CHST11: variants seen among roughly 807,000 people sequenced by gnomAD.
The protein encoded by CHST11 is C4S-1.
In CHST11, 9 loss-of-function variants were observed where a neutral mutation model predicts 30.4. The observed-to-expected ratio is 0.30, with a 90% CI of 0.18 to 0.52. The LOEUF (loss-of-function observed/expected upper bound fraction) is 0.52, where lower values mean the gene tolerates loss of function less well. CHST11 is among the 20% of genes least tolerant of loss of function. The pLI, the probability that CHST11 is intolerant of heterozygous loss-of-function variation, is 0.97. For synonymous variants in CHST11, 152 were observed against 187.8 expected (o/e 0.81, Z 1.56); for missense variants, 348 against 460.6 (o/e 0.76, Z 2.24).
At chr12:104,590,589 T>C (rs1310802652) in intron 1 of CHST11, among the ~76,000 whole-genome samples, 1 of 152,178 alleles carries the variant, frequency 6.6e-6, no homozygotes, top group East Asian at 1.9e-4. Context: ...CAATAAAGCA[T>C]TTAAGATAAA....
intron 2 of CHST11, among the ~76,000 whole-genome samples, chr12:104,665,757 TG>T (rs1223169473): frequency 3.0e-5 from 3 of 101,464 alleles, no homozygotes; most frequent in African/African-American, 3.9e-5. Flanking sequence ...ATTTGTGGGG[TG>T]GGGGGTGGGG....
chr12:104,581,285 G>C (rs1834365406), intron 1 of CHST11, among the ~76,000 whole-genome samples: 1 of 152,322 alleles, frequency 6.6e-6, no homozygotes, highest in South Asian at 2.1e-4. Flanking sequence ...CCAGGTGGCA[G>C]ATATCTGGAA....
chr12:104,602,029 T>TC, intron 2 of CHST11, 38 bp downstream of exon 2: 2 of 1,545,060 alleles, frequency 1.3e-6, no homozygotes, highest in Admixed American at 1.7e-5. Context: ...TGAATTTTTT[T>TC]TTTTTGTAGG....
chr12:104,563,820 G>T (rs2038536130), intron 1 of CHST11, among the ~76,000 whole-genome samples: 2 of 152,012 alleles, frequency 1.3e-5, no homozygotes, highest in Non-Finnish European at 1.5e-5. Context: ...GGGTTGTATG[G>T]TTCGGGAGGG....
At position 104,599,393 on chromosome 12, in the gene CHST11, C is replaced by T. The variant is rs376388596; in HGVS notation, c.119-2513C>T. Among the ~76,000 whole-genome samples, 58 of 152,334 alleles carry T rather than the reference C, an allele frequency of 3.8e-4. 1 individual carries two copies. In the East Asian group the frequency reaches 0.01, roughly 26 times the overall value. ...CCGGAGCCATGGGCCTCGATGAGCC[C>T]GTCTGCCGCCATAGGGAGAATTTAA... On this transcript the variant is annotated intron_variant, in intron 1 of 2. Transcript: ENST00000303694.
At chr12:104,728,460 A>C (rs1410331909) in intron 2 of CHST11, among the ~76,000 whole-genome samples, 4 of 152,134 alleles carry the variant, frequency 2.6e-5, no homozygotes, top group African/African-American at 4.8e-5. Flanking sequence ...AAAAAAAACA[A>C]AAACTGAGTT....
chr12:104,532,146 G>A (rs118175888), intron 1 of CHST11, among the ~76,000 whole-genome samples: 40 of 152,184 alleles, frequency 2.6e-4, no homozygotes, highest in East Asian at 1.9e-3. Context: ...CCCACGAATC[G>A]GCTTTCATGT....
At chr12:104,549,359 T>A (rs989787555) in intron 1 of CHST11, among the ~76,000 whole-genome samples, 1 of 152,168 alleles carries the variant, frequency 6.6e-6, no homozygotes, top group East Asian at 1.9e-4. Flanking sequence ...AGGCAAAATA[T>A]ATAGAATAAA....
rs182294648 is a variant in CHST11, at chr12:104,640,277, A to G, written c.204+38286A>G. On this transcript the variant is annotated intron_variant, in intron 2 of 2. Coordinates refer to ENST00000303694, the MANE Select transcript of CHST11 (RefSeq NM_018413.6). ...TATGTATCCACAAAAATCTGCACACAAATGTTTATGGCAGCTTTATTCATA... is the reference window on the plus strand; with the variant it reads ...TATGTATCCACAAAAATCTGCACACGAATGTTTATGGCAGCTTTATTCATA... Among the ~76,000 whole-genome samples the G allele has an allele frequency of 2.2e-3, 334 of 152,336 alleles. 4 individuals are homozygous for G. The highest frequency in any genetic ancestry group is 7.8e-3 in the African/African-American group (325 of 41,566).
chr12:104,481,326 C>T (rs960732746), intron 1 of CHST11, among the ~76,000 whole-genome samples: 3 of 152,188 alleles, frequency 2.0e-5, no homozygotes, highest in African/African-American at 4.8e-5. Context: ...TTGCACTTGC[C>T]GTTCCCTGTG....
intron 2 of CHST11, among the ~76,000 whole-genome samples, chr12:104,659,568 T>C (rs1322684039): frequency 6.6e-6 from 1 of 152,146 alleles, no homozygotes; most frequent in East Asian, 1.9e-4. Context: ...TTTTGAAGAA[T>C]AAGTACCAAA....
chr12:104,608,034 G>A (rs778175850), intron 2 of CHST11, among the ~76,000 whole-genome samples: 25 of 152,114 alleles, frequency 1.6e-4, no homozygotes, highest in African/African-American at 4.6e-4. Flanking sequence ...GAGCTTTTGG[G>A]AAATGACCAG....
At chr12:104,590,441 G>T (rs1378468540) in intron 1 of CHST11, among the ~76,000 whole-genome samples, 1 of 152,192 alleles carries the variant, frequency 6.6e-6, no homozygotes, top group Non-Finnish European at 1.5e-5. Context: ...TTTGGGAAAG[G>T]CACTTCCATT....
intron 1 of CHST11, among the ~76,000 whole-genome samples, chr12:104,588,440 G>C (rs1324294723): frequency 6.6e-6 from 1 of 152,206 alleles, no homozygotes; most frequent in African/African-American, 2.4e-5. Context: ...GGCTGAAGCT[G>C]CTTTCTTCAG....
At chr12:104,715,702 C>A (rs1304590001) in intron 2 of CHST11, among the ~76,000 whole-genome samples, 1 of 152,140 alleles carries the variant, frequency 6.6e-6, no homozygotes, top group East Asian at 1.9e-4. Flanking sequence ...AGGGCCCCCA[C>A]ATGCACCAGC....
chr12:104,609,743 G>T (rs886289728), intron 2 of CHST11, among the ~76,000 whole-genome samples: 28 of 152,196 alleles, frequency 1.8e-4, no homozygotes, highest in South Asian at 4.1e-4. Context: ...CTAGGACAGT[G>T]GCAAGGTCAG....
intron 2 of CHST11, among the ~76,000 whole-genome samples, chr12:104,645,660 T>G (rs1489799970): frequency 1.3e-5 from 1 of 75,108 alleles, no homozygotes; most frequent in Admixed American, 1.2e-4. Context: ...CCCCCCACCC[T>G]CCCCTTGGCT....
intron 1 of CHST11, among the ~76,000 whole-genome samples, chr12:104,461,511 C>T (rs184279714): frequency 6.6e-6 from 1 of 152,332 alleles, no homozygotes; most frequent in Non-Finnish European, 1.5e-5. Context: ...GAGAGGCCCC[C>T]CAGGCTGCAT....
chr12:104,749,710 T>C (rs546961399), intron 2 of CHST11, among the ~76,000 whole-genome samples: 1 of 152,332 alleles, frequency 6.6e-6, no homozygotes, highest in Non-Finnish European at 1.5e-5. Flanking sequence ...GGAACTGTGC[T>C]CAGGGAACGT....
Sources: allele counts gnomAD v4.1 joint callset (sites outside exome capture counted in the v4.1 genomes callset), GRCh38; gene constraint gnomAD v4.1.1; transcripts MANE v1.5; gene names NCBI Gene and HGNC (gene_info 2026-07-23, HGNC 2026-07-21).